ZFAND1: variants seen among roughly 807,000 people sequenced by gnomAD.
The protein encoded by ZFAND1 is AN1-type zinc finger protein 1.
Under a neutral mutation model 38.5 loss-of-function variants are expected in ZFAND1, and 40 were observed. The ratio of observed to expected loss-of-function variants is 1.04; its 90% confidence interval spans 0.81 to 1.35. The LOEUF (loss-of-function observed/expected upper bound fraction) is 1.35. Among genes scored for constraint, ZFAND1 ranks in the 40% most tolerant of loss-of-function variants. The pLI, the probability that ZFAND1 is intolerant of heterozygous loss-of-function variation, is 0.00. For synonymous variants in ZFAND1, 117 were observed against 103.6 expected (o/e 1.13, Z -0.78); for missense variants, 346 against 316.3 (o/e 1.09, Z -0.71).
At chr8:81,706,420 A>G (rs959465983) in intron 6 of ZFAND1, among the ~76,000 whole-genome samples, 14 of 147,222 alleles carry the variant, frequency 9.5e-5, no homozygotes, top group Non-Finnish European at 1.9e-4. Context: ...TTTAATAGCT[A>G]TTAACTTAGA....
At chr8:81,716,265 C>G (rs372510812) in intron 3 of ZFAND1, among the ~76,000 whole-genome samples, 3 of 152,330 alleles carry the variant, frequency 2.0e-5, no homozygotes, top group Non-Finnish European at 1.5e-5. Flanking sequence ...CTCTCTTCCT[C>G]TTGGAACTGT....
rs1808052075 is a variant in ZFAND1 at position 81,708,733 on chromosome 8, C to T, written c.480+5185G>A. ...AAACCATGGAGAAAAAGGGTACTCT[C>T]ATGTTTGGCCACAAGAGGCAGTATA... On this transcript the variant is annotated intron_variant, in intron 6 of 7. Transcript: ENST00000220669. 2.3e-5 allele frequency: 26 copies of T among 1,137,888 alleles called. No individual in the cohort carries two copies. In the South Asian group the frequency reaches 4.8e-4, roughly 21 times the overall value. 70.5% of individuals were successfully genotyped at this position (1,137,888 alleles called of 1,614,324 possible).
At chr8:81,709,429 AG>A (rs1348579001) in intron 6 of ZFAND1, among the ~76,000 whole-genome samples, 1 of 152,208 alleles carries the variant, frequency 6.6e-6, no homozygotes, top group African/African-American at 2.4e-5. Flanking sequence ...CTTGGTATAT[AG>A]AAAGTATTTT....
At chr8:81,719,775 T>C (rs180721805) in intron 1 of ZFAND1, among the ~76,000 whole-genome samples, 2 of 152,178 alleles carry the variant, frequency 1.3e-5, no homozygotes, top group Non-Finnish European at 1.5e-5. Flanking sequence ...CTCATCTCAG[T>C]TATTGACACT....
At chr8:81,714,508 C>G (rs977913516) in intron 5 of ZFAND1, 1 of 339,234 alleles carries the variant, frequency 2.9e-6, no homozygotes, top group African/African-American at 2.1e-5. Context: ...GTAGAGAAAG[C>G]AGCTGACTAC....
rs981829223 is a variant in ZFAND1, at chr8:81,701,477, A to C, written c.*1218T>G. ...AAACAAAAAAAAATTTGTCTGGCTCAATATACTCCAATATTTGCTTTGTGT... is the reference window on the plus strand; with the variant it reads ...AAACAAAAAAAAATTTGTCTGGCTCCATATACTCCAATATTTGCTTTGTGT... On this transcript the variant is annotated 3_prime_UTR_variant, in exon 8 of 8. Coordinates refer to ENST00000220669, the MANE Select transcript of ZFAND1 (RefSeq NM_024699.3). 6.6e-6 allele frequency: 1 copy of C among 152,210 alleles called. No homozygotes were observed. The highest frequency in any genetic ancestry group is 2.4e-5 in the African/African-American group (1 of 41,454). The allele number at this position is 152,210 out of a possible 1,614,324, so 9.4% of individuals were successfully genotyped here. A position where few individuals can be genotyped will look rare whatever the true frequency, so the allele number is the denominator to read the frequency against.
intron 6 of ZFAND1, among the ~76,000 whole-genome samples, chr8:81,709,333 TC>T (rs1208218731): frequency 6.6e-6 from 1 of 152,160 alleles, no homozygotes; most frequent in Non-Finnish European, 1.5e-5. Flanking sequence ...AATATCTATC[TC>T]AGCCCAGTGG....
intron 6 of ZFAND1, among the ~76,000 whole-genome samples, chr8:81,708,086 T>C (rs969256488): frequency 1.3e-5 from 2 of 151,640 alleles, no homozygotes; most frequent in African/African-American, 4.8e-5. Flanking sequence ...CTGTCTTTAC[T>C]AAAAATACAA....
intron 6 of ZFAND1, among the ~76,000 whole-genome samples, chr8:81,707,657 T>C (rs1370694936): frequency 6.6e-6 from 1 of 152,170 alleles, no homozygotes; most frequent in Non-Finnish European, 1.5e-5. Flanking sequence ...TGGATGGGAC[T>C]TGCATGATCA....
At chr8:81,721,174 C>T (rs1808459630) in intron 1 of ZFAND1, 53 bp downstream of exon 1, 1 of 1,541,462 alleles carries the variant, frequency 6.5e-7, no homozygotes, top group Middle Eastern at 2.3e-4. Flanking sequence ...GGAGCCAAAG[C>T]GGAGCCCTGG....
intron 6 of ZFAND1, among the ~76,000 whole-genome samples, chr8:81,703,613 G>A (rs896980820): frequency 6.6e-6 from 1 of 152,060 alleles, no homozygotes; most frequent in African/African-American, 2.4e-5. Context: ...ACTAGAGACG[G>A]GCTTTCACCA....
intron 2 of ZFAND1, 60 bp from the exon 3 acceptor site, chr8:81,717,348 T>C (rs558271353): frequency 2.2e-6 from 3 of 1,354,082 alleles, no homozygotes; most frequent in Admixed American, 2.7e-5. Flanking sequence ...CTGCAGAAAT[T>C]TGCGATATTT....
At chr8:81,706,845 T>C (rs973702396) in intron 6 of ZFAND1, among the ~76,000 whole-genome samples, 3 of 152,104 alleles carry the variant, frequency 2.0e-5, no homozygotes, top group Non-Finnish European at 4.4e-5. Flanking sequence ...AAATAAGTAC[T>C]TGGCAATAGA....
chr8:81,716,719 G>C (rs980447639), intron 3 of ZFAND1, among the ~76,000 whole-genome samples: 1 of 152,176 alleles, frequency 6.6e-6, no homozygotes, highest in Non-Finnish European at 1.5e-5. Flanking sequence ...AGGCCAAGGC[G>C]GGTGGATCAC....
At chr8:81,706,887 C>A (rs1808000708) in intron 6 of ZFAND1, among the ~76,000 whole-genome samples, 1 of 151,072 alleles carries the variant, frequency 6.6e-6, no homozygotes, top group Admixed American at 6.6e-5. Flanking sequence ...TCAACCTAAA[C>A]AAAAACCGTA....
chr8:81,720,911 C>T (rs1261866462), intron 1 of ZFAND1: 2 of 461,802 alleles, frequency 4.3e-6, no homozygotes, highest in Non-Finnish European at 3.9e-6. Flanking sequence ...TTCAAAAGCT[C>T]ACGGCCAAAA....
intron 2 of ZFAND1, 33 bp downstream of exon 2, chr8:81,718,149 T>C (rs1331063967): frequency 2.0e-6 from 3 of 1,519,310 alleles, no homozygotes; most frequent in African/African-American, 1.4e-5. Context: ...ACACTAAAAT[T>C]ACTCCCAAAT....
At chr8:81,706,131 T>C (rs1421919446) in intron 6 of ZFAND1, among the ~76,000 whole-genome samples, 1 of 151,644 alleles carries the variant, frequency 6.6e-6, no homozygotes, top group East Asian at 1.9e-4. Context: ...TCTTAAAAGC[T>C]ACCAAAAAAG....
At chr8:81,715,677 C>T (rs1239892432) in intron 3 of ZFAND1, among the ~76,000 whole-genome samples, 2 of 151,722 alleles carry the variant, frequency 1.3e-5, no homozygotes, top group Non-Finnish European at 2.9e-5. Context: ...TCTAAATCAG[C>T]CAGGCTATTC....
Sources: allele counts gnomAD v4.1 joint callset (sites outside exome capture counted in the v4.1 genomes callset), GRCh38; gene constraint gnomAD v4.1.1; transcripts MANE v1.5; gene names NCBI Gene and HGNC (gene_info 2026-07-23, HGNC 2026-07-21).